CPNE3: variants seen among roughly 807,000 people sequenced by gnomAD.
CPNE3 encodes copine 3.
In CPNE3, 68 loss-of-function variants were observed where a neutral mutation model predicts 63.9. The ratio of observed to expected loss-of-function variants is 1.06; its 90% confidence interval spans 0.87 to 1.30. The LOEUF is 1.30. Among genes scored for constraint, CPNE3 ranks in the 50% most tolerant of loss-of-function variants. The pLI is 0.00. For synonymous variants in CPNE3, 219 were observed against 197.5 expected, an observed-to-expected ratio of 1.11 and a Z score of -0.91; for missense variants, 665 against 578.1, an observed-to-expected ratio of 1.15 and a Z score of -1.54.
chr8:86,528,474 G>T, intron 2 of CPNE3, 62 bp from the exon 3 acceptor site: 3 of 1,578,870 alleles, frequency 1.9e-6, no homozygotes, highest in Admixed American at 3.6e-5. Context: ...TTTTTGTTAG[G>T]AATGAGTGTG....
chr8:86,531,757 G>C (rs1179389959), intron 5 of CPNE3, among the ~76,000 whole-genome samples: 2 of 152,054 alleles, frequency 1.3e-5, no homozygotes, highest in Non-Finnish European at 2.9e-5. Context: ...ATGAATATAT[G>C]CTTTATTGTA....
chr8:86,522,548 C>CTTTTTTTTTTTT lies in CPNE3; in HGVS notation c.-10-5970_-10-5959dup, dbSNP rs36073581. On this transcript the variant is annotated intron_variant, in intron 2 of 16. Transcript: ENST00000517490. ...CAGCCATATTACCTGACGCCCGCTG[C>CTTTTTTTTTTTT]TTTTTTTTTTTTTTTTTTTTTTTTT... is the stretch of plus-strand genomic sequence containing the variant. 1.0e-3 allele frequency among the ~76,000 whole-genome samples: 85 copies of CTTTTTTTTTTTT among 82,162 alleles called. 8 individuals are homozygous for CTTTTTTTTTTTT. The highest frequency in any genetic ancestry group is 1.4e-3 in the Non-Finnish European group (66 of 46,544). 53.9% of individuals were successfully genotyped at this position (82,162 alleles called of 152,430 possible). A position where few individuals can be genotyped will look rare whatever the true frequency, so the allele number is the denominator to read the frequency against.
intron 4 of CPNE3, among the ~76,000 whole-genome samples, chr8:86,529,622 C>A (rs1179164815): frequency 6.6e-6 from 1 of 152,144 alleles, no homozygotes; most frequent in Non-Finnish European, 1.5e-5. Flanking sequence ...TCACTTGGTA[C>A]TTACTATCTG....
At chr8:86,551,157 A>C in intron 13 of CPNE3, 26 bp from the exon 14 acceptor site, 1 of 1,613,850 alleles carries the variant, frequency 6.2e-7, no homozygotes, top group Non-Finnish European at 8.5e-7. Flanking sequence ...CCCAGCCCTC[A>C]TCAGTCCTTT....
At chr8:86,552,833 ATT>A (rs1821211153) in intron 14 of CPNE3, among the ~76,000 whole-genome samples, 1 of 136,768 alleles carries the variant, frequency 7.3e-6, no homozygotes, top group African/African-American at 2.6e-5. Flanking sequence ...TATTATTATT[ATT>A]AATTTTTTTT....
rs75866749 is a variant in CPNE3, at chr8:86,515,833, A to G, written c.-11+334A>G. 3.0e-3 allele frequency among the ~76,000 whole-genome samples: 454 copies of G among 152,338 alleles called. 2 individuals are homozygous for G. Among genetic ancestry groups the G allele is most frequent in the African/African-American group, 0.01 (434 of 41,578 alleles). ...TATCCTGATGTCATTAATAAGGGTC[A>G]GCAAACTAGCTCTCTGTGTGTGCTG... On this transcript the variant is annotated intron_variant, in intron 2 of 16. Coordinates refer to ENST00000517490, the MANE Select transcript of CPNE3 (RefSeq NM_003909.5).
At position 86,544,767 on chromosome 8, in the gene CPNE3, G is replaced by A. The variant is rs145882934; in HGVS notation, c.661G>A (p.Gly221Arg). 2.6e-6 allele frequency: 4 copies of A among 1,549,790 alleles called. No homozygotes were observed. The highest frequency in any genetic ancestry group is 2.6e-6 in the Non-Finnish European group (3 of 1,145,920). The change falls in exon 9 of 17, where the codon GGG becomes AGG. Residue 221 changes from glycine (G) to arginine (R), a missense_variant. Gly to Arg is a moderately radical substitution (Grantham distance 125, BLOSUM62 -2). Coordinates refer to ENST00000517490, the MANE Select transcript of CPNE3 (RefSeq NM_003909.5). Reference protein sequence around the residue: ...KVECYDYDNDGSHDLIGTFQT... With the variant: ...KVECYDYDNDRSHDLIGTFQT... ...GGAGTGTTATGATTATGACAATGAT[G>A]GGTCACATGATCTCATTGGAACATT...
chr8:86,558,021 A>AAAC (rs1293591993), intron 16 of CPNE3, among the ~76,000 whole-genome samples: 1 of 152,190 alleles, frequency 6.6e-6, no homozygotes, highest in East Asian at 1.9e-4. Context: ...AAAAGTTATA[A>AAAC]AACAACAACA....
chr8:86,539,992 G>GTAA (rs1820897748), intron 7 of CPNE3, among the ~76,000 whole-genome samples: 1 of 152,070 alleles, frequency 6.6e-6, no homozygotes, highest in South Asian at 2.1e-4. Context: ...AGTGCTCCTT[G>GTAA]TAATAGGTAG....
intron 15 of CPNE3, 54 bp downstream of exon 15, chr8:86,555,038 G>A (rs1821290924): frequency 6.2e-7 from 1 of 1,605,018 alleles, no homozygotes; most frequent in Non-Finnish European, 8.5e-7. Context: ...AGCAGCTCCT[G>A]GTGCCATTTT....
chr8:86,529,299 G>A (rs1563688516), intron 4 of CPNE3, among the ~76,000 whole-genome samples, 175 bp downstream of exon 4: 1 of 152,078 alleles, frequency 6.6e-6, no homozygotes, highest in Admixed American at 6.6e-5. Context: ...CTTATATTTT[G>A]TATGGGCAGG....
intron 2 of CPNE3, among the ~76,000 whole-genome samples, chr8:86,526,808 G>C (rs371910056): frequency 6.6e-6 from 1 of 152,116 alleles, no homozygotes; most frequent in South Asian, 2.1e-4. Flanking sequence ...TGCCGTGCCC[G>C]GCCAGCTTTG....
chr8:86,514,643 C>T (rs943681358), intron 1 of CPNE3, 102 bp downstream of exon 1: 1 of 152,202 alleles, frequency 6.6e-6, no homozygotes, highest in Non-Finnish European at 1.5e-5. Flanking sequence ...GATCCGAGCC[C>T]GCAGGCTCCG....
intron 6 of CPNE3, among the ~76,000 whole-genome samples, chr8:86,533,050 ATC>A (rs1820718891): frequency 6.6e-6 from 1 of 151,238 alleles, no homozygotes; most frequent in Non-Finnish European, 1.5e-5. Context: ...CTATCTATCT[ATC>A]TATCTATCTA....
intron 10 of CPNE3, 134 bp from the exon 11 acceptor site, chr8:86,547,577 G>C: frequency 1.6e-6 from 1 of 619,616 alleles, no homozygotes; most frequent in Non-Finnish European, 2.9e-6. Context: ...TCTTAAACCT[G>C]AATGCAGGGG....
intron 3 of CPNE3, 44 bp from the exon 4 acceptor site, chr8:86,528,901 C>A: frequency 6.5e-7 from 1 of 1,537,710 alleles, no homozygotes; most frequent in Non-Finnish European, 8.8e-7. Context: ...TCCAAGTGCA[C>A]CTTTGATCTG....
chr8:86,558,326 G>T lies in CPNE3; in HGVS notation c.1530G>T (p.Glu510Asp), dbSNP rs772382925. Reference protein sequence around the residue: ...KEALAQCVLAEIPQQVVGYFN... With the variant: ...KEALAQCVLADIPQQVVGYFN... Reference sequence around the variant, plus strand: ...CACTTGCTCAGTGTGTCTTGGCAGAGATTCCCCAGCAGGTGGTGGGCTACT... The same window carrying T: ...CACTTGCTCAGTGTGTCTTGGCAGATATTCCCCAGCAGGTGGTGGGCTACT... The change falls in exon 17 of 17, where the codon GAG (glutamate) becomes GAT (aspartate). Residue 510 changes from glutamate (E) to aspartate (D), a missense_variant. Coordinates refer to ENST00000517490, the MANE Select transcript of CPNE3 (RefSeq NM_003909.5). The T allele has an allele frequency of 3.4e-6, 3 of 872,958 alleles. No individual in the cohort carries two copies. The South Asian group carries it at 3.9e-5, about 11-fold the overall frequency. 54.1% of individuals were successfully genotyped at this position (872,958 alleles called of 1,614,324 possible). A position where few individuals can be genotyped will look rare whatever the true frequency, so the allele number is the denominator to read the frequency against.
rs189144178 is a variant in CPNE3, at chr8:86,548,782, C to T, written c.1013+348C>T. On this transcript the variant is annotated intron_variant, in intron 12 of 16. Coordinates refer to ENST00000517490, the MANE Select transcript of CPNE3 (RefSeq NM_003909.5). ...ATAAGTTGTATGAGTGATTGAAGCCCAGATGACATGTTTTATAAATACTGT... is the reference window on the plus strand; with the variant it reads ...ATAAGTTGTATGAGTGATTGAAGCCTAGATGACATGTTTTATAAATACTGT... Among the ~76,000 whole-genome samples, 6 of 152,090 alleles carry T rather than the reference C, an allele frequency of 3.9e-5. No homozygotes were observed. In the East Asian group the frequency reaches 1.2e-3, roughly 29 times the overall value.
chr8:86,530,642 C>T (rs545417346), intron 4 of CPNE3, among the ~76,000 whole-genome samples: 29 of 151,864 alleles, frequency 1.9e-4, no homozygotes, highest in Admixed American at 5.9e-4. Context: ...TTGTATCTGC[C>T]AGGGTAGGCT....
Sources: allele counts gnomAD v4.1 joint callset (sites outside exome capture counted in the v4.1 genomes callset), GRCh38; gene constraint gnomAD v4.1.1; transcripts MANE v1.5; gene names NCBI Gene and HGNC (gene_info 2026-07-23, HGNC 2026-07-21).